Variants in HJURP observed in about 807,000 individuals in gnomAD.
The protein encoded by HJURP is Holliday junction recognition protein, also known as 14-3-3-associated AKT substrate.
HJURP carries 49 observed loss-of-function variants against 72.0 expected under a neutral mutation model. The ratio of observed to expected loss-of-function variants is 0.68; its 90% CI spans 0.54 to 0.86. The LOEUF is 0.86. Among genes scored for constraint, HJURP ranks in the 40% least tolerant of loss-of-function variants. HJURP has a pLI of 0.00. For missense variants in HJURP, 908 were observed against 936.3 expected, an observed-to-expected ratio of 0.97 and a Z score of 0.39; for synonymous variants, 357 against 347.1, an observed-to-expected ratio of 1.03 and a Z score of -0.32.
intron 8 of HJURP, among the ~76,000 whole-genome samples, chr2:233,839,315 G>A (rs541314893): frequency 3.3e-5 from 5 of 152,342 alleles, no homozygotes; most frequent in East Asian, 3.9e-4. Flanking sequence ...TACCTGCACG[G>A]AGCAGGCAGC....
chr2:233,854,522 C>T lies in HJURP; in HGVS notation c.-22G>A. On this transcript the variant is annotated 5_prime_UTR_variant, in exon 1 of 9. Transcript: ENST00000411486. ...GCATCGGACCCAGCCAGTACCCAAG[C>T]GCCAACCCGGACTGCAGGGCCTCGC... The T allele has an allele frequency of 1.3e-6, 2 of 1,571,036 alleles. 1 individual carries two copies. Among genetic ancestry groups the T allele is most frequent in the South Asian group, 2.3e-5 (2 of 88,740 alleles).
At position 233,837,570 on chromosome 2, in the gene HJURP, A is replaced by G. The variant is rs776919708; in HGVS notation, c.*7T>C. The G allele has an allele frequency of 6.3e-7, 1 of 1,584,774 alleles. No homozygotes were observed. The highest frequency in any genetic ancestry group is 8.7e-7 in the Non-Finnish European group (1 of 1,155,252). ...GGGAAGATAAATAACACTCCGAAAT[A>G]ACCTAGCTACACACTTTTAGTTTCC... On this transcript the variant is annotated 3_prime_UTR_variant, in exon 9 of 9. Coordinates refer to ENST00000411486, the MANE Select transcript of HJURP (RefSeq NM_018410.5).
intron 4 of HJURP, among the ~76,000 whole-genome samples, chr2:233,848,165 G>T (rs566529): frequency 0.14 from 21,595 of 151,984 alleles, 1,614 homozygotes; most frequent in Middle Eastern, 0.21. Flanking sequence ...CCAGGAAAGG[G>T]ACTGGGCAGA....
At chr2:233,838,113 A>G (rs1015821352) in intron 8 of HJURP, among the ~76,000 whole-genome samples, 5 of 152,250 alleles carry the variant, frequency 3.3e-5, no homozygotes, top group African/African-American at 7.2e-5. Context: ...TGAAAACTCC[A>G]TATGTAGTTG....
At chr2:233,844,320 C>T (rs772908587) in intron 6 of HJURP, 37 bp from the exon 7 acceptor site, 1 of 1,554,636 alleles carries the variant, frequency 6.4e-7, no homozygotes, top group Non-Finnish European at 8.9e-7. Flanking sequence ...AAAAAAGTTG[C>T]CAGGTGTCAA....
chr2:233,847,248 G>A (rs930443017), intron 5 of HJURP, 149 bp downstream of exon 5: 12 of 652,308 alleles, frequency 1.8e-5, no homozygotes, highest in Admixed American at 1.0e-4. Flanking sequence ...GAGGAAATCC[G>A]AGACTTGGAA....
chr2:233,845,904 A>C, intron 5 of HJURP, 84 bp from the exon 6 acceptor site: 2 of 824,574 alleles, frequency 2.4e-6, no homozygotes, highest in Non-Finnish European at 4.1e-6. Flanking sequence ...TGGCAAGCTC[A>C]TTAATGTACA....
chr2:233,837,722 A>G (rs1705113275), intron 8 of HJURP, 70 bp from the exon 9 acceptor site: 2 of 973,584 alleles, frequency 2.1e-6, no homozygotes, highest in African/African-American at 3.3e-5. Context: ...AGCCACTAAA[A>G]GGTTAACTGT....
In HJURP at chr2:233,841,166, C is replaced by T; in HGVS notation, c.1614G>A (p.Gln538=). 6.2e-7 allele frequency: 1 copy of T among 1,614,158 alleles called. No homozygotes were observed. The highest frequency in any genetic ancestry group is 8.5e-7 in the Non-Finnish European group (1 of 1,180,032). The change falls in exon 8 of 9, where the codon CAG becomes CAA. Residue 538 remains glutamine, a synonymous_variant. Transcript: ENST00000411486. ...TTCCCTGAACGTGAAGGTCAGATGT[C>T]TGCTGCGGGCGAGTTGCGCTGTGTG... ...NPTHSATRPQ[Q]TSDLHVQGNS... is the part of the protein sequence containing the mutation.
chr2:233,852,711 C>CA (rs369615353), intron 2 of HJURP, 91 bp from the exon 3 acceptor site: 86 of 841,694 alleles, frequency 1.0e-4, no homozygotes, highest in Non-Finnish European at 1.2e-4. Context: ...AAGTGACAGG[C>CA]AAAAAAAAGG....
At chr2:233,847,943 C>T (rs192783412) in intron 4 of HJURP, among the ~76,000 whole-genome samples, 6 of 152,294 alleles carry the variant, frequency 3.9e-5, no homozygotes, top group Admixed American at 2.0e-4. Flanking sequence ...CTGGGCAGTA[C>T]ATCTATCAAA....
intron 7 of HJURP, among the ~76,000 whole-genome samples, chr2:233,842,600 A>T (rs77066107): frequency 1.3e-4 from 20 of 151,544 alleles, no homozygotes; most frequent in Admixed American, 3.3e-4. Flanking sequence ...TTAAAAAAAA[A>T]AAACCAACAG....
rs2124963819 is a variant in HJURP, at chr2:233,842,107, T to C, written c.673A>G (p.Met225Val). 1 of 1,614,218 alleles carries C rather than the reference T, an allele frequency of 6.2e-7. No individual in the cohort carries two copies. Among genetic ancestry groups the C allele is most frequent in the East Asian group, 2.2e-5 (1 of 44,890 alleles). The change falls in exon 8 of 9, where the codon ATG becomes GTG. Residue 225 changes from methionine (M) to valine (V), a missense_variant. This residue lies in a region of HJURP where 11 missense variants were observed against 30.1 expected (regional missense o/e 0.37). Coordinates refer to ENST00000411486, the MANE Select transcript of HJURP (RefSeq NM_018410.5). The part of the protein sequence containing the change: ...WDPLHPSSTD[M>V]ALVPRNDSLS... ...CTGTCATTTCTAGGTACTAAGGCCA[T>C]GTCTGTGGAGGAAGGATGCAAAGGA...
At position 233,841,973 on chromosome 2, in the gene HJURP, G is replaced by A. The variant is rs372892763; in HGVS notation, c.807C>T (p.His269=). The part of the protein sequence containing the change: ...TISDLYAGML[H]SMSRLLSTKP... ...TTGTGCTCAACAGCCGGCTCATGGAGTGCAGCATCCCTGCGTACAGGTCAC... is the reference window on the plus strand; with the variant it reads ...TTGTGCTCAACAGCCGGCTCATGGAATGCAGCATCCCTGCGTACAGGTCAC... The change falls in exon 8 of 9, where the codon CAC becomes CAT. Residue 269 remains histidine, a synonymous_variant. Transcript: ENST00000411486. The A allele has an allele frequency of 3.7e-6, 6 of 1,614,112 alleles. No homozygotes were observed. The African/African-American group carries it at 6.7e-5, about 18-fold the overall frequency.
chr2:233,844,357 C>A, intron 6 of HJURP, 74 bp from the exon 7 acceptor site: 1 of 1,094,890 alleles, frequency 9.1e-7, no homozygotes, highest in South Asian at 1.3e-5. Flanking sequence ...GGGTTCTCCC[C>A]TGACGATGCG....
At position 233,845,094 on chromosome 2, in the gene HJURP, G is replaced by A. The variant is rs138160085; in HGVS notation, c.495+634C>T. Among the ~76,000 whole-genome samples the A allele has an allele frequency of 3.4e-4, 52 of 152,150 alleles. No homozygotes were observed. In the East Asian group the frequency reaches 9.9e-3, roughly 29 times the overall value. On this transcript the variant is annotated intron_variant, in intron 6 of 8. Transcript: ENST00000411486. ...GGACTATTGCTTCCCTAACTATGCA[G>A]CTTCAAATCCTGGTCCAGAGGTCAG...
In HJURP at chr2:233,840,841, T is replaced by C; in HGVS notation, c.1939A>G (p.Arg647Gly). The C allele has an allele frequency of 1.9e-6, 3 of 1,613,954 alleles. No individual in the cohort carries two copies. The highest frequency in any genetic ancestry group is 2.5e-6 in the Non-Finnish European group (3 of 1,179,974). The change falls in exon 8 of 9, where the codon AGA (arginine) becomes GGA (glycine). Residue 647 changes from arginine (R) to glycine (G), a missense_variant. Physicochemically the swap from Arg to Gly is moderately radical, Grantham distance 125. This residue lies in a region of HJURP where 598 missense variants were observed against 619.5 expected (regional missense o/e 0.97). Transcript: ENST00000411486. ...QKLPSSPLGC[R>G]KSLLGSTAIE... ...GCAGTTGAGCCCAGTAGACTTTTTC[T>C]GCACCCCAGGGGTGATGATGGCAAC...
Position 233,837,346 on chromosome 2 carries a change from C to A in HJURP, c.*231G>T. 1.3e-5 allele frequency: 5 copies of A among 397,056 alleles called. No homozygotes were observed. The highest frequency in any genetic ancestry group is 8.3e-5 in the South Asian group (2 of 24,054). 24.6% of individuals were successfully genotyped at this position (397,056 alleles called of 1,614,324 possible). ...CCCCCCCCAAAAAAAACACACACAT[C>A]AGAAAAACAGGCCTATCAAAGAGAA... On this transcript the variant is annotated 3_prime_UTR_variant, in exon 9 of 9. Coordinates refer to ENST00000411486, the MANE Select transcript of HJURP (RefSeq NM_018410.5).
chr2:233,837,256 A>G lies in HJURP; in HGVS notation c.*321T>C. The stretch of plus-strand genomic sequence containing the variant: ...AGCCAAGATTGTGCCACCGCACTCC[A>G]GCCTGGGCGATAGAGAGAGACTGTC... On this transcript the variant is annotated 3_prime_UTR_variant, in exon 9 of 9. Coordinates refer to ENST00000411486, the MANE Select transcript of HJURP (RefSeq NM_018410.5). 3.3e-6 allele frequency: 1 copy of G among 305,964 alleles called. No individual in the cohort carries two copies. Among genetic ancestry groups the G allele is most frequent in the South Asian group, 3.7e-5 (1 of 26,910 alleles). The allele number at this position is 305,964 out of a possible 1,614,324, so 19.0% of individuals were successfully genotyped here. A position where few individuals can be genotyped will look rare whatever the true frequency, so the allele number is the denominator to read the frequency against.
Sources: allele counts gnomAD v4.1 joint callset (sites outside exome capture counted in the v4.1 genomes callset), GRCh38; gene constraint gnomAD v4.1.1; regional missense constraint gnomAD v4.1.1; transcripts MANE v1.5; gene names NCBI Gene and HGNC (gene_info 2026-07-23, HGNC 2026-07-21).